The following IL1RAPL2 variants were observed in gnomAD, a reference collection of about 807,000 sequenced individuals.
IL1RAPL2 encodes interleukin 1 receptor accessory protein like 2, also known as X-linked interleukin-1 receptor accessory protein-like 2.
Under a neutral mutation model 44.1 loss-of-function variants are expected in IL1RAPL2, and 3 were observed. The ratio of observed to expected loss-of-function variants is 0.07; its 90% CI spans 0.03 to 0.18. IL1RAPL2 has a LOEUF of 0.18. Among genes scored for constraint, IL1RAPL2 ranks in the 10% least tolerant of loss-of-function variants. The pLI, the probability that IL1RAPL2 is intolerant of heterozygous loss-of-function variation, is 1.00. For synonymous variants in IL1RAPL2, 181 were observed against 178.8 expected (o/e 1.01, Z -0.10); for missense variants, 391 against 496.4 (o/e 0.79, Z 2.02).
intron 6 of IL1RAPL2, among the ~76,000 whole-genome samples, chrX:105,628,923 A>G (rs2037473036): frequency 9.5e-6 from 1 of 104,720 alleles, no homozygotes; most frequent in South Asian, 4.4e-4. Flanking sequence ...AGCCTGGGCA[A>G]CAGAATGAGA....
At chrX:104,674,237 G>A (rs1930688351) in intron 2 of IL1RAPL2, among the ~76,000 whole-genome samples, 1 of 111,696 alleles carries the variant, frequency 9.0e-6, no homozygotes, top group African/African-American at 3.3e-5. Flanking sequence ...CTGTGGGTTT[G>A]TCATAGATAG....
In IL1RAPL2 at chrX:104,768,826, TCTC is replaced by T. The variant is rs371421209; in HGVS notation, c.82+109834_82+109836del. The stretch of plus-strand genomic sequence containing the variant: ...ATGTACCTTTGCTTCTGCTCTTCCT[TCTC>T]CTTGCTATGCTTGCCTCTTTATTCA... On this transcript the variant is annotated intron_variant, in intron 2 of 10. Transcript: ENST00000372582. Among the ~76,000 whole-genome samples the T allele has an allele frequency of 9.0e-5, 10 of 111,460 alleles. No individual in the cohort carries two copies. The South Asian group carries it at 1.1e-3, about 13-fold the overall frequency.
chrX:105,206,041 GA>G (rs1556152032), intron 3 of IL1RAPL2, among the ~76,000 whole-genome samples: 1 of 110,751 alleles, frequency 9.0e-6, no homozygotes, highest in Non-Finnish European at 1.9e-5. Flanking sequence ...CTGGATGTGA[GA>G]AAAAGCTGAA....
chrX:105,173,055 G>T (rs1387432348), intron 2 of IL1RAPL2, among the ~76,000 whole-genome samples: 1 of 111,032 alleles, frequency 9.0e-6, no homozygotes, highest in Non-Finnish European at 1.9e-5. Flanking sequence ...CTCAGAAACT[G>T]AACTACAATG....
rs16984827 is a variant in IL1RAPL2, at chrX:105,709,718, A to G, written c.773-7649A>G. 5.7e-3 allele frequency among the ~76,000 whole-genome samples: 638 copies of G among 111,573 alleles called. 8 individuals carry two copies. The highest frequency in any genetic ancestry group is 0.02 in the African/African-American group (610 of 30,729). Reference sequence around the variant, plus strand: ...CCTTGCCTACATTTGGTACCCTTAAATGTGAGATATGACTGAGAAAACTAG... The same window carrying G: ...CCTTGCCTACATTTGGTACCCTTAAGTGTGAGATATGACTGAGAAAACTAG... On this transcript the variant is annotated intron_variant, in intron 6 of 10. Transcript: ENST00000372582.
intron 5 of IL1RAPL2, among the ~76,000 whole-genome samples, chrX:105,414,248 C>T (rs1453085905): frequency 9.0e-6 from 1 of 110,871 alleles, no homozygotes; most frequent in African/African-American, 3.3e-5. Flanking sequence ...CTGCCTCAGC[C>T]TCCCGAGTAG....
At chrX:105,267,886 G>A (rs1311017211) in intron 5 of IL1RAPL2, among the ~76,000 whole-genome samples, 1 of 111,375 alleles carries the variant, frequency 9.0e-6, no homozygotes, top group East Asian at 2.8e-4. Context: ...CTCCTTGTAG[G>A]TGAAGGCTGA....
chrX:104,752,379 T>C (rs1419092303), intron 2 of IL1RAPL2, among the ~76,000 whole-genome samples: 1 of 110,626 alleles, frequency 9.0e-6, no homozygotes, highest in Non-Finnish European at 1.9e-5. Flanking sequence ...TTTTGAAAAA[T>C]TACAAAATAT....
chrX:104,788,988 A>G (rs1395018964), intron 2 of IL1RAPL2, among the ~76,000 whole-genome samples: 2 of 112,057 alleles, frequency 1.8e-5, no homozygotes, highest in Non-Finnish European at 3.8e-5. Context: ...TATTGTGAGA[A>G]GTAAATTAGA....
intron 2 of IL1RAPL2, among the ~76,000 whole-genome samples, chrX:104,722,198 A>C (rs1931692511): frequency 1.8e-5 from 2 of 111,426 alleles, no homozygotes; most frequent in African/African-American, 6.5e-5. Flanking sequence ...CAATTACTCA[A>C]CTCTGCCATT....
intron 5 of IL1RAPL2, among the ~76,000 whole-genome samples, chrX:105,397,556 T>C (rs1013785248): frequency 3.6e-5 from 4 of 111,380 alleles, no homozygotes; most frequent in African/African-American, 1.3e-4. Flanking sequence ...ACCAAGATAA[T>C]TGTGTATGTT....
intron 2 of IL1RAPL2, among the ~76,000 whole-genome samples, chrX:104,883,700 C>G (rs1332055524): frequency 9.0e-6 from 1 of 111,186 alleles, no homozygotes; most frequent in African/African-American, 3.3e-5. Context: ...AACTCCAGGA[C>G]TCTGTTACCT....
chrX:104,657,623 G>A (rs999349699), intron 1 of IL1RAPL2, among the ~76,000 whole-genome samples: 7 of 111,314 alleles, frequency 6.3e-5, no homozygotes, highest in Non-Finnish European at 1.1e-4. Context: ...TTGACAAAGG[G>A]GATCTAATTA....
At chrX:105,042,315 T>C (rs1419983843) in intron 2 of IL1RAPL2, among the ~76,000 whole-genome samples, 1 of 109,732 alleles carries the variant, frequency 9.1e-6, no homozygotes, top group South Asian at 4.0e-4. Flanking sequence ...AGAAAATTTT[T>C]GCAATCTACT....
chrX:105,613,770 A>G (rs187546517), intron 6 of IL1RAPL2, among the ~76,000 whole-genome samples: 2 of 111,794 alleles, frequency 1.8e-5, no homozygotes, highest in East Asian at 5.7e-4. Flanking sequence ...AGGGGAGGGA[A>G]GAGTAGGAAG....
chrX:105,076,634 A>C (rs1322711168), intron 2 of IL1RAPL2, among the ~76,000 whole-genome samples: 1 of 111,169 alleles, frequency 9.0e-6, no homozygotes, highest in Admixed American at 9.6e-5. Context: ...TCTAATGTTG[A>C]CAGTGGGGTG....
At chrX:105,040,438 A>T (rs978217479) in intron 2 of IL1RAPL2, among the ~76,000 whole-genome samples, 5 of 111,417 alleles carry the variant, frequency 4.5e-5, no homozygotes, top group Non-Finnish European at 7.5e-5. Flanking sequence ...ATTGATTGGA[A>T]TAGTTTCAGA....
intron 2 of IL1RAPL2, among the ~76,000 whole-genome samples, chrX:104,974,022 G>A (rs2030286729): frequency 9.1e-6 from 1 of 110,180 alleles, no homozygotes; most frequent in Admixed American, 9.7e-5. Context: ...TTTTTTTCCA[G>A]TAAAGAATAC....
At chrX:105,240,270 C>T (rs1172617342) in intron 4 of IL1RAPL2, among the ~76,000 whole-genome samples, 1 of 112,595 alleles carries the variant, frequency 8.9e-6, no homozygotes, top group Non-Finnish European at 1.9e-5. Context: ...AATTGTTTCT[C>T]CAATTTAGGT....
Sources: allele counts gnomAD v4.1 joint callset (sites outside exome capture counted in the v4.1 genomes callset), GRCh38; gene constraint gnomAD v4.1.1; transcripts MANE v1.5; gene names NCBI Gene and HGNC (gene_info 2026-07-23, HGNC 2026-07-21).